The following ADGRL1 variants were observed in gnomAD, a reference collection of about 807,000 sequenced individuals.
ADGRL1 encodes adhesion G protein-coupled receptor L1, also known as CIRL-1.
A neutral mutation model predicts 148.9 loss-of-function variants in ADGRL1; 31 were observed. The observed-to-expected ratio is 0.21, with a 90% CI of 0.16 to 0.28. The LOEUF (loss-of-function observed/expected upper bound fraction) is 0.28, where lower values mean the gene tolerates loss of function less well. Ranked by LOEUF, ADGRL1 falls within the 10% of genes least tolerant of loss-of-function variation. ADGRL1 has a pLI of 1.00. For synonymous variants in ADGRL1, 937 were observed against 900.3 expected (o/e 1.04, Z -0.73); for missense variants, 1,521 against 2,058.8 (o/e 0.74, Z 5.05).
rs10421879 is a variant in ADGRL1, at chr19:14,180,332, T to C, written c.71-2588A>G. The stretch of plus-strand genomic sequence containing the variant: ...GTGGAATGGCGCGATCTCAGCTCAC[T>C]GCAACCTCTGCCTCCCAGGTTCAAG... On this transcript the variant is annotated intron_variant, in intron 2 of 22. Coordinates refer to ENST00000361434, the MANE Select transcript of ADGRL1 (RefSeq NM_014921.5). 7.9e-3 allele frequency among the ~76,000 whole-genome samples: 1,198 copies of C among 152,254 alleles called. 22 individuals carry two copies. The highest frequency in any genetic ancestry group is 0.027 in the African/African-American group (1,118 of 41,546).
chr19:14,198,066 G>A (rs1972375218), intron 1 of ADGRL1, among the ~76,000 whole-genome samples: 1 of 152,106 alleles, frequency 6.6e-6, no homozygotes, highest in African/African-American at 2.4e-5. Context: ...AGAGCATTCT[G>A]GGCAGAGGAA....
chr19:14,171,059 TG>T (rs1970430526), intron 3 of ADGRL1: 1 of 374,754 alleles, frequency 2.7e-6, no homozygotes, highest in Non-Finnish European at 5.0e-6. Flanking sequence ...ATCCCCTCCG[TG>T]CTGTTGAGAT....
At chr19:14,185,486 A>G (rs1368272756) in intron 1 of ADGRL1, among the ~76,000 whole-genome samples, 1 of 151,936 alleles carries the variant, frequency 6.6e-6, no homozygotes, top group Non-Finnish European at 1.5e-5. Context: ...TAGAGACAGG[A>G]TCTTGCTATG....
intron 3 of ADGRL1, among the ~76,000 whole-genome samples, chr19:14,175,892 A>G (rs1413235250): frequency 6.6e-6 from 1 of 152,088 alleles, no homozygotes; most frequent in Non-Finnish European, 1.5e-5. Context: ...CTGTCTGTAC[A>G]AAAATACAAA....
In ADGRL1 at chr19:14,152,848, C is replaced by T. The variant is rs1233162473; in HGVS notation, c.3359G>A (p.Gly1120Asp). The T allele has an allele frequency of 6.2e-7, 1 of 1,613,820 alleles. No individual in the cohort carries two copies. Residue 1120 changes from glycine to aspartate, a missense_variant, in exon 19 of 23, where the codon GGC becomes GAC. By Grantham distance (94) the Gly-to-Asp change is moderately conservative. Around this residue, in one of 8 missense-constraint regions of ADGRL1, gnomAD observed 185 missense variants for 251.7 expected, o/e 0.74. Transcript: ENST00000361434. The surrounding 1 kb of genome is among the most constrained non-coding windows in gnomAD (Gnocchi z 6.1). ...TGAGGTCTTGAGGGATCCGTGAGTGCCCCCGGGTGGGGAGCGGATGCAGCA... is the reference window on the plus strand; with the variant it reads ...TGAGGTCTTGAGGGATCCGTGAGTGTCCCCGGGTGGGGAGCGGATGCAGCA... ...SYCCIRSPPG[G>D]THGSLKTSAM...
At chr19:14,202,934 G>A (rs1183466960) in intron 1 of ADGRL1, among the ~76,000 whole-genome samples, 1 of 152,134 alleles carries the variant, frequency 6.6e-6, no homozygotes, top group African/African-American at 2.4e-5. Context: ...AGGCCACACA[G>A]GCAGAGGACA....
chr19:14,158,300 A>C (rs1159310804), intron 12 of ADGRL1, 38 bp downstream of exon 12: 1 of 1,589,478 alleles, frequency 6.3e-7, no homozygotes, highest in African/African-American at 1.3e-5. Flanking sequence ...CAGAGGGTAC[A>C]GGGACCCCCA....
chr19:14,156,254 G>A, intron 16 of ADGRL1, 53 bp from the exon 17 acceptor site: 1 of 1,390,012 alleles, frequency 7.2e-7, no homozygotes, highest in Non-Finnish European at 1.0e-6. Flanking sequence ...GCCTCCCTCA[G>A]TGAGCACTGA....
At position 14,163,068 on chromosome 19, in the gene ADGRL1, T is replaced by C. The variant is rs1204924675; in HGVS notation, c.733A>G (p.Asn245Asp). The change falls in exon 5 of 23, where the codon AAT (asparagine) becomes GAT (aspartate). Residue 245 changes from asparagine (N) to aspartate (D), a missense_variant. This residue lies in a region of ADGRL1 where 334 missense variants were observed against 512.5 expected (regional missense o/e 0.65). Coordinates refer to ENST00000361434, the MANE Select transcript of ADGRL1 (RefSeq NM_014921.5). ...GAGGTGTCATGGTAGTTGGCGGTATTGATGACCGTCTCCCCGCTCTTGATG... is the reference window on the plus strand; with the variant it reads ...GAGGTGTCATGGTAGTTGGCGGTATCGATGACCGTCTCCCCGCTCTTGATG... ...TRIKSGETVI[N>D]TANYHDTSPY... The C allele has an allele frequency of 3.7e-6, 6 of 1,614,134 alleles. No individual in the cohort carries two copies. Among genetic ancestry groups the C allele is most frequent in the East Asian group, 2.2e-5 (1 of 44,862 alleles).
intron 3 of ADGRL1, among the ~76,000 whole-genome samples, chr19:14,175,063 G>A (rs765551776): frequency 6.0e-5 from 9 of 151,224 alleles, no homozygotes; most frequent in Non-Finnish European, 1.2e-4. Context: ...GTCTGGTCTC[G>A]AACTCCTGAC....
chr19:14,161,364 C>G lies in ADGRL1; in HGVS notation c.1458G>C (p.Pro486=). 10 of 1,580,294 alleles carry G rather than the reference C, an allele frequency of 6.3e-6. No individual in the cohort carries two copies. The highest frequency in any genetic ancestry group is 8.6e-6 in the Non-Finnish European group (10 of 1,165,614). ...CCACCAGCATGCCCTGCTGGGTGGC[C>G]GGCCACTGGACCCGCCGTACCTCTC... ...EPREVRRVQW[P]ATQQGMLVER... The change falls in exon 6 of 23, where the codon CCG becomes CCC. Residue 486 remains proline (P), a synonymous_variant. Coordinates refer to ENST00000361434, the MANE Select transcript of ADGRL1 (RefSeq NM_014921.5). The surrounding 1 kb of genome is among the most constrained non-coding windows in gnomAD (Gnocchi z 4.4).
At chr19:14,182,904 G>A (rs1340108469) in intron 2 of ADGRL1, among the ~76,000 whole-genome samples, 1 of 152,234 alleles carries the variant, frequency 6.6e-6, no homozygotes, top group Non-Finnish European at 1.5e-5. Context: ...ATACAGGGAT[G>A]TCGGGGTGGG....
chr19:14,186,983 C>G (rs1298066615), intron 1 of ADGRL1, among the ~76,000 whole-genome samples: 1 of 152,186 alleles, frequency 6.6e-6, no homozygotes, highest in African/African-American at 2.4e-5. Flanking sequence ...ATTCACAGCT[C>G]TCAAGTGAGC....
At chr19:14,153,220 AT>A (rs1439209949) in intron 18 of ADGRL1, among the ~76,000 whole-genome samples, 1 of 152,196 alleles carries the variant, frequency 6.6e-6, no homozygotes, top group East Asian at 1.9e-4. Flanking sequence ...GCCAGGCACA[AT>A]TTAGGCCTCA....
Position 14,155,332 on chromosome 19 carries a change from T to C in ADGRL1, c.3294+27A>G, listed in dbSNP as rs1968611809. ...CAGGAAACGTCTCCAAGGGAGGCTG[T>C]GACCCAGGACCCCGCCTCGACCTCA... On this transcript the variant is annotated intron_variant, in intron 18 of 22. Coordinates refer to ENST00000361434, the MANE Select transcript of ADGRL1 (RefSeq NM_014921.5). The surrounding 1 kb of genome is among the most constrained non-coding windows in gnomAD (Gnocchi z 5.0). The C allele has an allele frequency of 1.9e-6, 3 of 1,609,378 alleles. No individual in the cohort carries two copies. Among genetic ancestry groups the C allele is most frequent in the Admixed American group, 1.7e-5 (1 of 59,840 alleles).
chr19:14,183,225 G>GAGAGAGAGAGAGAGAGAC, intron 2 of ADGRL1, among the ~76,000 whole-genome samples: 1 of 151,996 alleles, frequency 6.6e-6, no homozygotes, highest in Non-Finnish European at 1.5e-5. Flanking sequence ...GAGCGAGAGA[G>GAGAGAGAGAGAGAGAGAC]AGACAGAGAG....
At chr19:14,186,875 C>T (rs1287018703) in intron 1 of ADGRL1, among the ~76,000 whole-genome samples, 8 of 152,204 alleles carry the variant, frequency 5.3e-5, no homozygotes, top group Admixed American at 5.2e-4. Flanking sequence ...CAGGGCTCAG[C>T]CGCAAGGTCA....
At chr19:14,202,403 C>T (rs1340288076) in intron 1 of ADGRL1, among the ~76,000 whole-genome samples, 1 of 152,070 alleles carries the variant, frequency 6.6e-6, no homozygotes, top group East Asian at 1.9e-4. Context: ...CAGGTGCACA[C>T]CACCACGCCT....
At position 14,152,292 on chromosome 19, in the gene ADGRL1, T is replaced by C. The variant is rs1388185756; in HGVS notation, c.3649+17A>G. On this transcript the variant is annotated intron_variant, in intron 21 of 22. Coordinates refer to ENST00000361434, the MANE Select transcript of ADGRL1 (RefSeq NM_014921.5). This position sits in a 1 kb window ranked among gnomAD's most constrained non-coding sequence, Gnocchi z 6.1. ...CCCTCCATTTCCCAACCTGGGATGT[T>C]TCCCCCGTGCTCTCACCTGGGGAGT... The C allele has an allele frequency of 1.9e-6, 3 of 1,604,444 alleles. No homozygotes were observed. Among genetic ancestry groups the C allele is most frequent in the South Asian group, 1.1e-5 (1 of 89,898 alleles).
Sources: gnomAD v4.1 joint callset for allele counts (sites outside exome capture counted in the v4.1 genomes callset) on GRCh38, gnomAD v4.1.1 for gene constraint, gnomAD v4.1.1 regional missense constraint, Gnocchi (gnomAD v3.1) non-coding constraint, MANE v1.5 for transcripts, NCBI Gene and HGNC (gene_info 2026-07-23, HGNC 2026-07-21) for gene names.